The following TNPO1 variants were observed in gnomAD, a reference collection of about 807,000 sequenced individuals.
TNPO1 encodes the protein transportin-1.
Under a neutral mutation model 119.5 loss-of-function variants are expected in TNPO1, and 8 were observed. The ratio of observed to expected loss-of-function variants is 0.07; its 90% CI spans 0.04 to 0.12. The LOEUF is 0.12. TNPO1 is among the 10% of genes least tolerant of loss of function. The pLI, the probability that TNPO1 is intolerant of heterozygous loss-of-function variation, is 1.00. For missense variants in TNPO1, 576 were observed against 1,089.8 expected (o/e 0.53, Z 6.64); for synonymous variants, 362 against 363.0 (o/e 1.00, Z 0.03).
At chr5:72,907,157 CT>C in intron 24 of TNPO1, among the ~76,000 whole-genome samples, 1 of 152,124 alleles carries the variant, frequency 6.6e-6, no homozygotes, top group Non-Finnish European at 1.5e-5. Context: ...TCCTCAAGAG[CT>C]GTTTTCCAAA....
At chr5:72,843,626 AACT>A (rs1456655758) in intron 1 of TNPO1, among the ~76,000 whole-genome samples, 3 of 152,032 alleles carry the variant, frequency 2.0e-5, no homozygotes, top group Admixed American at 1.3e-4. Flanking sequence ...AAAAACAAAA[AACT>A]ACTATGTTAT....
rs1184198789 is a variant in TNPO1, at chr5:72,910,969, C to A, written c.*2296C>A. On this transcript the variant is annotated 3_prime_UTR_variant, in exon 25 of 25. Transcript: ENST00000337273. ...GTATACAGCATTTTGTTTTCTAGTA[C>A]CATTGCTTCACTGGGAGCTCAAAAT... 6.6e-6 allele frequency: 1 copy of A among 151,972 alleles called. No individual in the cohort carries two copies. The highest frequency in any genetic ancestry group is 2.4e-5 in the African/African-American group (1 of 41,388). The allele number at this position is 151,972 out of a possible 1,614,324, so 9.4% of individuals were successfully genotyped here.
At chr5:72,854,056 ATATAC>A (rs1252177736) in intron 3 of TNPO1, among the ~76,000 whole-genome samples, 2 of 152,240 alleles carry the variant, frequency 1.3e-5, no homozygotes, top group Admixed American at 6.5e-5. Context: ...GGTAAAAACA[ATATAC>A]TATATTTCTC....
chr5:72,892,974 G>A (rs1749172308), intron 15 of TNPO1, among the ~76,000 whole-genome samples, 165 bp from the exon 16 acceptor site: 1 of 132,968 alleles, frequency 7.5e-6, no homozygotes, highest in Admixed American at 8.0e-5. Flanking sequence ...ACAATGAATG[G>A]CTTCCAAAAG....
Position 72,865,497 on chromosome 5 carries a change from G to A in TNPO1, c.463-99G>A. On this transcript the variant is annotated intron_variant, in intron 5 of 24. Transcript: ENST00000337273. ...TTTTAGAAGGCATTTTATGTGGGCT[G>A]AGAACATTAGTCCATACAAATTAAT... is the stretch of plus-strand genomic sequence containing the variant. 2.3e-6 allele frequency: 3 copies of A among 1,324,024 alleles called. No homozygotes were observed. The South Asian group carries it at 4.0e-5, about 18-fold the overall frequency. The allele number at this position is 1,324,024 out of a possible 1,614,324, so 82.0% of individuals were successfully genotyped here.
intron 11 of TNPO1, among the ~76,000 whole-genome samples, chr5:72,883,545 C>G (rs1748403704): frequency 6.6e-6 from 1 of 152,330 alleles, no homozygotes; most frequent in African/African-American, 2.4e-5. Context: ...TGACCATCTT[C>G]TTTAACTTAG....
rs371324299 is a variant in TNPO1 at position 72,857,052 on chromosome 5, G to A, written c.355+1129G>A. Among the ~76,000 whole-genome samples the A allele has an allele frequency of 1.9e-3, 288 of 152,280 alleles. 1 individual carries two copies. The highest frequency in any genetic ancestry group is 6.8e-3 in the Middle Eastern group (2 of 294). ...TTAAGAGTTCCTGACTGGGCACGAT[G>A]GCTCACGCTGTAATCCCAGCACTTT... is the stretch of plus-strand genomic sequence containing the variant. On this transcript the variant is annotated intron_variant, in intron 4 of 24. Transcript: ENST00000337273.
chr5:72,824,105 G>A (rs950391815), intron 1 of TNPO1, among the ~76,000 whole-genome samples: 1 of 152,136 alleles, frequency 6.6e-6, no homozygotes, highest in Non-Finnish European at 1.5e-5. Flanking sequence ...CTTCCTGCCT[G>A]TTACCTTAGA....
chr5:72,864,864 C>T (rs1711891296), intron 5 of TNPO1, among the ~76,000 whole-genome samples: 1 of 152,146 alleles, frequency 6.6e-6, no homozygotes, highest in African/African-American at 2.4e-5. Flanking sequence ...CCGCGTCGGC[C>T]TCCCAAAGTG....
At chr5:72,859,480 A>G (rs1406427889) in intron 4 of TNPO1, among the ~76,000 whole-genome samples, 3 of 152,170 alleles carry the variant, frequency 2.0e-5, no homozygotes, top group Non-Finnish European at 1.5e-5. Context: ...ATATTTAAAT[A>G]TTTTAATTAA....
intron 23 of TNPO1, 141 bp downstream of exon 23, chr5:72,903,924 G>C: frequency 1.9e-6 from 1 of 525,420 alleles, no homozygotes. Context: ...CTTTATTCTT[G>C]GTAACAAAGT....
chr5:72,861,544 G>A (rs987368212), intron 4 of TNPO1, among the ~76,000 whole-genome samples: 1 of 152,114 alleles, frequency 6.6e-6, no homozygotes, highest in African/African-American at 2.4e-5. Context: ...TGGGATCACA[G>A]GCGCATACCA....
chr5:72,875,867 T>C (rs1232569559), intron 8 of TNPO1, 130 bp downstream of exon 8: 1 of 1,153,862 alleles, frequency 8.7e-7, no homozygotes, highest in Non-Finnish European at 1.2e-6. Context: ...ATAAGTTATC[T>C]TTGTGGGGAG....
intron 5 of TNPO1, among the ~76,000 whole-genome samples, chr5:72,863,376 G>A (rs950703736): frequency 6.6e-6 from 1 of 152,086 alleles, no homozygotes; most frequent in African/African-American, 2.4e-5. Flanking sequence ...CAAGGCCTAG[G>A]TGGGTGGATT....
At chr5:72,874,847 A>G (rs1333973394) in intron 7 of TNPO1, among the ~76,000 whole-genome samples, 1 of 152,190 alleles carries the variant, frequency 6.6e-6, no homozygotes, top group Non-Finnish European at 1.5e-5. Flanking sequence ...TAAATAAAGT[A>G]AGACTTTATG....
intron 12 of TNPO1, among the ~76,000 whole-genome samples, chr5:72,887,666 C>CA (rs1748748437): frequency 1.3e-5 from 2 of 152,186 alleles, no homozygotes; most frequent in East Asian, 3.9e-4. Context: ...GCCTGGGTGA[C>CA]AGAGCAAGAC....
intron 1 of TNPO1, among the ~76,000 whole-genome samples, chr5:72,834,634 G>A (rs1744612393): frequency 6.6e-6 from 1 of 152,236 alleles, no homozygotes; most frequent in Non-Finnish European, 1.5e-5. Context: ...TATTAAAAGA[G>A]TCAAAACTTT....
chr5:72,866,775 T>A (rs1250343590), intron 6 of TNPO1, among the ~76,000 whole-genome samples: 1 of 151,906 alleles, frequency 6.6e-6, no homozygotes, highest in African/African-American at 2.4e-5. Context: ...ACAGAAAAAA[T>A]TCAAAAATCA....
At chr5:72,833,399 A>G (rs1050991648) in intron 1 of TNPO1, among the ~76,000 whole-genome samples, 3 of 152,068 alleles carry the variant, frequency 2.0e-5, no homozygotes, top group Non-Finnish European at 4.4e-5. Context: ...CTTAATCTGT[A>G]ATGTTGGTTT....
Sources: gnomAD v4.1 joint callset for allele counts (sites outside exome capture counted in the v4.1 genomes callset) on GRCh38, gnomAD v4.1.1 for gene constraint, MANE v1.5 for transcripts, NCBI Gene and HGNC (gene_info 2026-07-23, HGNC 2026-07-21) for gene names.